SERPINA5: variants seen among roughly 807,000 people sequenced by gnomAD.
SERPINA5 encodes serpin family A member 5.
A neutral mutation model predicts 25.3 loss-of-function variants in SERPINA5; 25 were observed. The ratio of observed to expected loss-of-function variants is 0.99; its 90% CI spans 0.72 to 1.38. The LOEUF is 1.38. SERPINA5 is among the 40% of genes most tolerant of loss of function. SERPINA5 has a pLI of 0.00. For missense variants in SERPINA5, 599 were observed against 509.5 expected (o/e 1.18, Z -1.69); for synonymous variants, 234 against 206.2 (o/e 1.14, Z -1.16).
intron 2 of SERPINA5, among the ~76,000 whole-genome samples, chr14:94,584,450 G>A (rs757662643): frequency 1.3e-5 from 2 of 152,168 alleles, no homozygotes; most frequent in Non-Finnish European, 2.9e-5. Context: ...TAGCCCAGGA[G>A]AGCCTAAGTG....
intron 2 of SERPINA5, among the ~76,000 whole-genome samples, chr14:94,584,165 G>A (rs1047117554): frequency 2.6e-5 from 4 of 152,214 alleles, no homozygotes; most frequent in African/African-American, 7.2e-5. Context: ...GAGACAGGCT[G>A]TGCACGAGTC....
Position 94,587,720 on chromosome 14 carries a change from C to A in SERPINA5, c.358C>A (p.Gln120Lys). Residue 120 changes from glutamine (Q) to lysine (K), a missense_variant, in exon 3 of 6, where the codon CAG (glutamine) becomes AAG (lysine). Transcript: ENST00000329597. ...TCAGCAGCTCCTTCAGGAACTCAAC[C>A]AGCCCAGAGATGGCTTCCAGCTGAG... ...GFQQLLQELNQPRDGFQLSLG... is the reference protein window; with the variant it reads ...GFQQLLQELNKPRDGFQLSLG... 6.2e-7 allele frequency: 1 copy of A among 1,614,216 alleles called. No individual in the cohort carries two copies.
At chr14:94,584,706 GC>G (rs1885019558) in intron 2 of SERPINA5, among the ~76,000 whole-genome samples, 2 of 152,176 alleles carry the variant, frequency 1.3e-5, no homozygotes, top group Non-Finnish European at 1.5e-5. Flanking sequence ...CTGGTCAGCT[GC>G]CCCTGGGCTG....
chr14:94,589,454 A>G (rs1885205605), intron 3 of SERPINA5, among the ~76,000 whole-genome samples: 1 of 152,006 alleles, frequency 6.6e-6, no homozygotes, highest in South Asian at 2.1e-4. Context: ...TCTCAAAAAG[A>G]AGAAAAAAAG....
intron 5 of SERPINA5, among the ~76,000 whole-genome samples, chr14:94,591,564 A>ATTCTATTCTATTCTATTCTATTC (rs1885297668): frequency 1.0e-4 from 15 of 144,490 alleles, no homozygotes; most frequent in African/African-American, 4.0e-4. Context: ...ATTCTATTCT[A>ATTCTATTCTATTCTATTCTATTC]TTCTATTCTA....
In SERPINA5 at chr14:94,587,440, G is replaced by A; in HGVS notation, c.78G>A (p.Glu26=). ...CCCTTCACCGCCACCACCCCCGGGA[G>A]ATGAAGAAGAGAGTCGAGGACCTCC... ...GASLHRHHPR[E]MKKRVEDLHV... is the part of the protein sequence containing the mutation. Residue 26 remains glutamate (E), a synonymous_variant, in exon 3 of 6, where the codon GAG becomes GAA. Coordinates refer to ENST00000329597, the MANE Select transcript of SERPINA5 (RefSeq NM_000624.6). 1 of 1,614,182 alleles carries A rather than the reference G, an allele frequency of 6.2e-7. No individual in the cohort carries two copies. The highest frequency in any genetic ancestry group is 8.5e-7 in the Non-Finnish European group (1 of 1,180,028).
At chr14:94,589,606 G>C (rs1385707999) in intron 3 of SERPINA5, among the ~76,000 whole-genome samples, 4 of 152,194 alleles carry the variant, frequency 2.6e-5, no homozygotes, top group Non-Finnish European at 5.9e-5. Flanking sequence ...TCATTTCCAG[G>C]ATCCATACTA....
rs1885255335 is a variant in SERPINA5 at position 94,590,886 on chromosome 14, A to AGGT, written c.1030_1032dup (p.Val344dup). 2.5e-6 allele frequency: 4 copies of AGGT among 1,609,866 alleles called. No homozygotes were observed. Among genetic ancestry groups the AGGT allele is most frequent in the Non-Finnish European group, 2.5e-6 (3 of 1,177,456 alleles). On this transcript the variant is annotated inframe_insertion, in exon 5 of 6. Transcript: ENST00000329597. ...GGCATCAGCAACCACTCAAATATCC[A>AGGT]GGTGTCTGAGGTGGGTTCAGAAGCT...
At chr14:94,591,843 G>A (rs1257792607) in intron 5 of SERPINA5, among the ~76,000 whole-genome samples, 1 of 152,174 alleles carries the variant, frequency 6.6e-6, no homozygotes, top group Non-Finnish European at 1.5e-5. Flanking sequence ...GCTCAAAGAT[G>A]CCATGAGAAT....
rs1188669977 is a variant in SERPINA5 at position 94,592,615 on chromosome 14, G to A, written c.*376G>A. On this transcript the variant is annotated 3_prime_UTR_variant, in exon 6 of 6. Coordinates refer to ENST00000329597, the MANE Select transcript of SERPINA5 (RefSeq NM_000624.6). Reference sequence around the variant, plus strand: ...AGGAGGGATGTTCCAGTGGATGAGGGCCACCAGGAAGCACAGGTCCAAGGC... The same window carrying A: ...AGGAGGGATGTTCCAGTGGATGAGGACCACCAGGAAGCACAGGTCCAAGGC... The A allele has an allele frequency of 5.4e-6, 1 of 184,094 alleles. No homozygotes were observed. 11.4% of individuals were successfully genotyped at this position (184,094 alleles called of 1,614,324 possible).
chr14:94,585,648 G>A (rs906139737), intron 2 of SERPINA5, among the ~76,000 whole-genome samples: 1 of 152,186 alleles, frequency 6.6e-6, no homozygotes, highest in African/African-American at 2.4e-5. Context: ...CCCATGGAGA[G>A]AGCCCAGCAG....
At chr14:94,588,081 C>A in intron 3 of SERPINA5, 100 bp downstream of exon 3, 1 of 1,462,364 alleles carries the variant, frequency 6.8e-7, no homozygotes, top group Non-Finnish European at 9.2e-7. Flanking sequence ...ACGGGGAGTA[C>A]GTTAAGTTCT....
At chr14:94,588,906 AC>A (rs1038479653) in intron 3 of SERPINA5, among the ~76,000 whole-genome samples, 40 of 152,002 alleles carry the variant, frequency 2.6e-4, no homozygotes, top group African/African-American at 9.4e-4. Flanking sequence ...TGACAGCTCC[AC>A]CCCCATGACC....
chr14:94,591,618 C>CTATTCTAT (rs1885305668), intron 5 of SERPINA5, among the ~76,000 whole-genome samples: 2 of 24,674 alleles, frequency 8.1e-5, no homozygotes, highest in African/African-American at 1.6e-4. Context: ...TATTCTCTCC[C>CTATTCTAT]TCTCCCTCTC....
chr14:94,590,207 T>C lies in SERPINA5; in HGVS notation c.786T>C (p.Asn262=), dbSNP rs1885233323. ...TGGTGGGGGTCCCCTACCAAGGCAA[T>C]GCCACGGCTTTGTTCATTCTCCCCA... ...CRVVGVPYQG[N]ATALFILPSE... The change falls in exon 4 of 6, where the codon AAT becomes AAC. Residue 262 remains asparagine (N), a synonymous_variant. Coordinates refer to ENST00000329597, the MANE Select transcript of SERPINA5 (RefSeq NM_000624.6). 2 of 1,614,066 alleles carry C rather than the reference T, an allele frequency of 1.2e-6. No homozygotes were observed. The highest frequency in any genetic ancestry group is 1.7e-6 in the Non-Finnish European group (2 of 1,179,966).
At chr14:94,588,802 T>C (rs1885180968) in intron 3 of SERPINA5, among the ~76,000 whole-genome samples, 2 of 152,088 alleles carry the variant, frequency 1.3e-5, no homozygotes, top group African/African-American at 2.4e-5. Context: ...TGCCCATTCC[T>C]TGGTTCATAG....
intron 5 of SERPINA5, among the ~76,000 whole-genome samples, chr14:94,591,172 C>T (rs1478252022): frequency 1.3e-5 from 2 of 149,352 alleles, no homozygotes; most frequent in African/African-American, 4.9e-5. Flanking sequence ...CTCCTCCACT[C>T]CTCTCATCCA....
chr14:94,589,557 G>C lies in SERPINA5; in HGVS notation c.620-484G>C, dbSNP rs1450024333. Among the ~76,000 whole-genome samples, 7 of 152,358 alleles carry C rather than the reference G, an allele frequency of 4.6e-5. No individual in the cohort carries two copies. The East Asian group carries it at 1.2e-3, about 25-fold the overall frequency. ...TTCAGAAGTTCCCATAGGAAGGTCA[G>C]AGAAGGGTCATTGAAGACTTCCCAA... On this transcript the variant is annotated intron_variant, in intron 3 of 5. Coordinates refer to ENST00000329597, the MANE Select transcript of SERPINA5 (RefSeq NM_000624.6).
intron 3 of SERPINA5, 56 bp from the exon 4 acceptor site, chr14:94,589,985 G>T (rs1457282426): frequency 1.3e-6 from 2 of 1,499,504 alleles, no homozygotes; most frequent in African/African-American, 2.8e-5. Flanking sequence ...TTGCAGCTGA[G>T]AATTTCTAAT....
Sources: allele counts gnomAD v4.1 joint callset (sites outside exome capture counted in the v4.1 genomes callset), GRCh38; gene constraint gnomAD v4.1.1; transcripts MANE v1.5; gene names NCBI Gene and HGNC (gene_info 2026-07-23, HGNC 2026-07-21).